Variants in KIRREL1 observed in about 807,000 individuals in gnomAD.
KIRREL1 encodes kirre like nephrin family adhesion molecule 1.
A neutral mutation model predicts 83.3 loss-of-function variants in KIRREL1; 25 were observed. That is an observed-to-expected ratio of 0.30 (90% CI 0.22 to 0.42). KIRREL1 has a LOEUF of 0.42. Among genes scored for constraint, KIRREL1 ranks in the 10% least tolerant of loss-of-function variants. KIRREL1 has a pLI of 1.00. For missense variants in KIRREL1, 812 were observed against 1,032.3 expected, an observed-to-expected ratio of 0.79 and a Z score of 2.92; for synonymous variants, 388 against 410.4, an observed-to-expected ratio of 0.95 and a Z score of 0.66.
At chr1:158,045,505 A>T (rs1439311428) in intron 1 of KIRREL1, among the ~76,000 whole-genome samples, 1 of 152,186 alleles carries the variant, frequency 6.6e-6, no homozygotes, top group East Asian at 1.9e-4. Flanking sequence ...ATTACACAGG[A>T]TATAAATCTG....
chr1:158,040,877 T>C (rs767103604), intron 1 of KIRREL1, among the ~76,000 whole-genome samples: 10 of 152,088 alleles, frequency 6.6e-5, no homozygotes, highest in Non-Finnish European at 1.0e-4. Context: ...TTTTGAACTT[T>C]ATTATCAACA....
chr1:158,089,379 C>A (rs1275278457), intron 8 of KIRREL1, 123 bp from the exon 9 acceptor site: 1 of 1,501,952 alleles, frequency 6.7e-7, no homozygotes, highest in Non-Finnish European at 9.0e-7. Flanking sequence ...AACCCCATTT[C>A]CCTTCTGGGA....
At chr1:158,056,469 C>G (rs1226876278) in intron 1 of KIRREL1, among the ~76,000 whole-genome samples, 1 of 152,204 alleles carries the variant, frequency 6.6e-6, no homozygotes, top group African/African-American at 2.4e-5. Flanking sequence ...CCCCCAAAGG[C>G]TGATGCTCAT....
chr1:158,011,213 C>T lies in KIRREL1; in HGVS notation c.52+17485C>T, dbSNP rs183278964. Among the ~76,000 whole-genome samples, 5 of 152,312 alleles carry T rather than the reference C, an allele frequency of 3.3e-5. No individual in the cohort carries two copies. The East Asian group carries it at 5.8e-4, about 18-fold the overall frequency. The stretch of plus-strand genomic sequence containing the variant: ...CTCTCTTTTTATCTCACTTTACACT[C>T]GGTTTTCAAGCACTGACCTTTCAGT... On this transcript the variant is annotated intron_variant, in intron 1 of 14. Coordinates refer to ENST00000359209, the MANE Select transcript of KIRREL1 (RefSeq NM_018240.7).
At chr1:158,015,819 C>G (rs1027357290) in intron 1 of KIRREL1, among the ~76,000 whole-genome samples, 7 of 152,160 alleles carry the variant, frequency 4.6e-5, no homozygotes, top group Non-Finnish European at 8.8e-5. Context: ...ACCCCAACCT[C>G]AATTTATTTC....
chr1:158,090,416 C>T (rs922425421), intron 10 of KIRREL1, among the ~76,000 whole-genome samples: 8 of 152,132 alleles, frequency 5.3e-5, no homozygotes, highest in Non-Finnish European at 7.4e-5. Context: ...TAATTCCTTC[C>T]GTGACTATTA....
At chr1:158,033,632 C>T (rs1197218498) in intron 1 of KIRREL1, among the ~76,000 whole-genome samples, 2 of 152,216 alleles carry the variant, frequency 1.3e-5, no homozygotes, top group African/African-American at 4.8e-5. Context: ...AGAGAGTCCT[C>T]TTTCTTGTTT....
At chr1:158,023,069 C>A (rs1375675679) in intron 1 of KIRREL1, among the ~76,000 whole-genome samples, 1 of 152,204 alleles carries the variant, frequency 6.6e-6, no homozygotes, top group Admixed American at 6.5e-5. Flanking sequence ...TGAAGCAGGC[C>A]AAACAAATGC....
At chr1:158,061,567 T>A (rs1570965007) in intron 1 of KIRREL1, among the ~76,000 whole-genome samples, 2 of 152,196 alleles carry the variant, frequency 1.3e-5, no homozygotes, top group East Asian at 3.9e-4. Context: ...GGCAGTTTTG[T>A]GTGAAGCTTT....
chr1:157,993,820 G>A (rs953087619), intron 1 of KIRREL1, 92 bp downstream of exon 1: 1 of 834,036 alleles, frequency 1.2e-6, no homozygotes, highest in South Asian at 2.5e-5. Flanking sequence ...GTGCCCCGCG[G>A]CCCGCGGCCA....
In KIRREL1 at chr1:158,084,441, G is replaced by A; in HGVS notation, c.372G>A (p.Arg124=). 6.4e-7 allele frequency: 1 copy of A among 1,551,824 alleles called. No individual in the cohort carries two copies. The highest frequency in any genetic ancestry group is 2.4e-5 in the East Asian group (1 of 40,916). Residue 124 remains arginine (R), a synonymous_variant, in exon 4 of 15, where the codon AGG becomes AGA. Transcript: ENST00000359209. The part of the protein sequence containing the change: ...LTVLIPPEDT[R]IDGGPVILLQ... ...CCACAGTCCCCCCAGAGGACACCAG[G>A]ATTGACGGAGGCCCTGTGATTCTAC...
chr1:158,028,312 G>A (rs1660228331), intron 1 of KIRREL1, among the ~76,000 whole-genome samples: 1 of 152,228 alleles, frequency 6.6e-6, no homozygotes. Flanking sequence ...TAGTTGGTCT[G>A]CCCTTGAATA....
At chr1:158,064,933 C>CTTTTTTTT (rs869035914) in intron 1 of KIRREL1, among the ~76,000 whole-genome samples, 1 of 82,728 alleles carries the variant, frequency 1.2e-5, no homozygotes, top group Non-Finnish European at 2.6e-5. Flanking sequence ...ACCTGCTGGT[C>CTTTTTTTT]TTTTTTTTTT....
At chr1:158,023,374 T>A (rs1340930159) in intron 1 of KIRREL1, among the ~76,000 whole-genome samples, 2 of 152,250 alleles carry the variant, frequency 1.3e-5, no homozygotes, top group African/African-American at 4.8e-5. Flanking sequence ...CCAGGCACTG[T>A]TCAGTGCTGA....
chr1:158,080,411 C>A (rs1233181005), intron 3 of KIRREL1, among the ~76,000 whole-genome samples: 1 of 152,124 alleles, frequency 6.6e-6, no homozygotes. Context: ...TCAAGGGGAA[C>A]CCTAGATGGA....
chr1:158,032,810 G>T (rs1660365018), intron 1 of KIRREL1, among the ~76,000 whole-genome samples: 1 of 151,968 alleles, frequency 6.6e-6, no homozygotes, highest in South Asian at 2.1e-4. Flanking sequence ...TTGTTCTGTT[G>T]CCCAGGATGG....
chr1:158,020,039 A>G (rs1364273213), intron 1 of KIRREL1, among the ~76,000 whole-genome samples: 1 of 152,108 alleles, frequency 6.6e-6, no homozygotes, highest in Non-Finnish European at 1.5e-5. Context: ...TTGCTTTAGG[A>G]GCAAGAACTG....
intron 1 of KIRREL1, among the ~76,000 whole-genome samples, chr1:158,020,690 T>G (rs1405856760): frequency 6.6e-6 from 1 of 151,736 alleles, no homozygotes; most frequent in Non-Finnish European, 1.5e-5. Flanking sequence ...ATAATTAATG[T>G]TTAACTCAAA....
intron 1 of KIRREL1, among the ~76,000 whole-genome samples, chr1:158,002,318 G>T (rs139566511): frequency 6.6e-5 from 10 of 152,312 alleles, no homozygotes; most frequent in African/African-American, 2.4e-4. Context: ...CCAGAGTCAA[G>T]GGGAGCCATC....
Sources: allele counts gnomAD v4.1 joint callset (sites outside exome capture counted in the v4.1 genomes callset), GRCh38; gene constraint gnomAD v4.1.1; transcripts MANE v1.5; gene names NCBI Gene and HGNC (gene_info 2026-07-23, HGNC 2026-07-21).